ME3: variants seen among roughly 807,000 people sequenced by gnomAD.
ME3 encodes NADP-dependent malic enzyme, mitochondrial.
Under a neutral mutation model 68.9 loss-of-function variants are expected in ME3, and 48 were observed. That is an observed-to-expected ratio of 0.70 (90% CI 0.55 to 0.89). The LOEUF is 0.89. ME3 is among the 40% of genes least tolerant of loss of function. The probability of loss-of-function intolerance (pLI) is 0.00; values close to 1 mark genes in which losing one functional copy is unlikely to be tolerated. For synonymous variants in ME3, 320 were observed against 318.8 expected (o/e 1.00, Z -0.04); for missense variants, 675 against 797.4 (o/e 0.85, Z 1.85).
intron 2 of ME3, among the ~76,000 whole-genome samples, chr11:86,644,113 G>A (rs781481682): frequency 1.2e-4 from 19 of 152,172 alleles, no homozygotes; most frequent in African/African-American, 3.9e-4. Context: ...GGCAGAGAGC[G>A]GAACATACAG....
In ME3 at chr11:86,666,396, T is replaced by C. The variant is rs146506475; in HGVS notation, c.183+5366A>G. 2.4e-3 allele frequency among the ~76,000 whole-genome samples: 370 copies of C among 152,352 alleles called. 2 individuals carry two copies. The highest frequency in any genetic ancestry group is 0.01 in the Middle Eastern group (3 of 292). On this transcript the variant is annotated intron_variant, in intron 2 of 14. Transcript: ENST00000543262. ...AAACCACACATCAACTCATGATTGC[T>C]TGCCCAGACTTGTTCCTAACAGAGA... is the stretch of plus-strand genomic sequence containing the variant.
chr11:86,455,884 G>A (rs1325483840), intron 8 of ME3, among the ~76,000 whole-genome samples: 1 of 132,130 alleles, frequency 7.6e-6, no homozygotes, highest in East Asian at 2.2e-4. Context: ...GTTTAAATAA[G>A]TATTTAAATC....
At chr11:86,529,629 T>C (rs1326179876) in intron 4 of ME3, among the ~76,000 whole-genome samples, 1 of 152,154 alleles carries the variant, frequency 6.6e-6, no homozygotes, top group African/African-American at 2.4e-5. Context: ...GCAAACTGAA[T>C]CCAGCAACAC....
At chr11:86,467,391 C>G (rs1248952497) in intron 7 of ME3, among the ~76,000 whole-genome samples, 2 of 152,080 alleles carry the variant, frequency 1.3e-5, no homozygotes, top group African/African-American at 4.8e-5. Flanking sequence ...TTTGCTTGTA[C>G]TATGAATAGA....
At chr11:86,441,959 G>T (rs1046061058) in intron 14 of ME3, among the ~76,000 whole-genome samples, 4 of 152,162 alleles carry the variant, frequency 2.6e-5, no homozygotes, top group African/African-American at 4.8e-5. Flanking sequence ...GGTGAAGCTG[G>T]ACCCTGAGCT....
intron 4 of ME3, among the ~76,000 whole-genome samples, chr11:86,521,263 C>T (rs1156670621): frequency 2.6e-5 from 4 of 152,048 alleles, no homozygotes; most frequent in African/African-American, 4.8e-5. Flanking sequence ...GGCGTGATGG[C>T]GGGCGCCTGT....
At chr11:86,554,613 T>C (rs1956842358) in intron 4 of ME3, among the ~76,000 whole-genome samples, 1 of 152,180 alleles carries the variant, frequency 6.6e-6, no homozygotes, top group Non-Finnish European at 1.5e-5. Context: ...ACACTTCTCA[T>C]TTTACCCTCA....
intron 8 of ME3, among the ~76,000 whole-genome samples, chr11:86,463,636 C>T (rs1950334788): frequency 6.6e-6 from 1 of 152,222 alleles, no homozygotes; most frequent in Admixed American, 6.5e-5. Context: ...GATACCCACT[C>T]TTCAGGCACT....
At chr11:86,577,977 T>G (rs888573045) in intron 2 of ME3, among the ~76,000 whole-genome samples, 3 of 152,144 alleles carry the variant, frequency 2.0e-5, no homozygotes, top group African/African-American at 7.2e-5. Flanking sequence ...GAAAGATTAG[T>G]TTTTGCGAAG....
At chr11:86,543,765 G>T (rs1257199565) in intron 4 of ME3, among the ~76,000 whole-genome samples, 1 of 152,116 alleles carries the variant, frequency 6.6e-6, no homozygotes, top group African/African-American at 2.4e-5. Flanking sequence ...AAATTAACAA[G>T]GATATTCCGA....
intron 8 of ME3, among the ~76,000 whole-genome samples, chr11:86,458,860 T>A (rs571857676): frequency 7.9e-5 from 12 of 152,322 alleles, no homozygotes; most frequent in Admixed American, 6.5e-4. Flanking sequence ...CCTGCCTGTC[T>A]GCCTCTTCCC....
At chr11:86,534,247 C>A (rs1019293473) in intron 4 of ME3, among the ~76,000 whole-genome samples, 5 of 152,054 alleles carry the variant, frequency 3.3e-5, no homozygotes, top group Admixed American at 1.3e-4. Flanking sequence ...GACTTTATAA[C>A]ACTGTATACT....
intron 4 of ME3, among the ~76,000 whole-genome samples, chr11:86,528,904 G>A (rs1223017460): frequency 6.6e-6 from 1 of 152,070 alleles, no homozygotes. Context: ...AGAGAAAGCA[G>A]GAAAGATCTA....
chr11:86,453,005 TG>T (rs200722377), intron 8 of ME3, among the ~76,000 whole-genome samples: 9,378 of 151,600 alleles, frequency 0.062, 336 homozygotes, highest in Non-Finnish European at 0.086. Flanking sequence ...TTTTTGTTTT[TG>T]TTTTTAATTT....
chr11:86,656,001 C>T (rs1945842627), intron 2 of ME3, among the ~76,000 whole-genome samples: 1 of 151,770 alleles, frequency 6.6e-6, no homozygotes, highest in South Asian at 2.1e-4. Context: ...TGAAAAAATG[C>T]TCACCATCAC....
chr11:86,630,528 C>A (rs765450673), intron 2 of ME3, among the ~76,000 whole-genome samples: 1 of 152,216 alleles, frequency 6.6e-6, no homozygotes, highest in Non-Finnish European at 1.5e-5. Flanking sequence ...GTGCTTTACA[C>A]GCAAGCTTCC....
At chr11:86,607,197 C>A (rs1961796803) in intron 2 of ME3, among the ~76,000 whole-genome samples, 1 of 152,156 alleles carries the variant, frequency 6.6e-6, no homozygotes. Flanking sequence ...CCAATCTGTT[C>A]TCTCCTCTGA....
chr11:86,513,948 G>C (rs763610755), intron 4 of ME3, among the ~76,000 whole-genome samples: 44 of 152,052 alleles, frequency 2.9e-4, no homozygotes, highest in Non-Finnish European at 4.3e-4. Flanking sequence ...GGTGGTTCTG[G>C]GTCCCCACCC....
chr11:86,497,459 G>T (rs1952424007), intron 6 of ME3, among the ~76,000 whole-genome samples: 1 of 152,148 alleles, frequency 6.6e-6, no homozygotes, highest in South Asian at 2.1e-4. Flanking sequence ...AAACTGCCAG[G>T]ACTCCTGCAG....
Sources: allele counts gnomAD v4.1 joint callset (sites outside exome capture counted in the v4.1 genomes callset), GRCh38; gene constraint gnomAD v4.1.1; transcripts MANE v1.5; gene names NCBI Gene and HGNC (gene_info 2026-07-23, HGNC 2026-07-21).